NKAIN3: variants seen among roughly 807,000 people sequenced by gnomAD.
The protein encoded by NKAIN3 is sodium/potassium-transporting ATPase subunit beta-1-interacting protein 3.
A neutral mutation model predicts 30.2 loss-of-function variants in NKAIN3; 25 were observed. The ratio of observed to expected loss-of-function variants is 0.83; its 90% CI spans 0.60 to 1.16. The LOEUF (loss-of-function observed/expected upper bound fraction) is 1.16. Among genes scored for constraint, NKAIN3 ranks in the 50% most tolerant of loss-of-function variants. The pLI is 0.00. For missense variants in NKAIN3, 225 were observed against 254.1 expected, an observed-to-expected ratio of 0.89 and a Z score of 0.78; for synonymous variants, 91 against 89.6, an observed-to-expected ratio of 1.02 and a Z score of -0.09.
In NKAIN3 at chr8:62,900,029, T is replaced by TAAA. The variant is rs5891878; in HGVS notation, c.472-18416_472-18414dup. Among the ~76,000 whole-genome samples, 383 of 148,188 alleles carry TAAA rather than the reference T, an allele frequency of 2.6e-3. 1 individual carries two copies. Among genetic ancestry groups the TAAA allele is most frequent in the East Asian group, 5.3e-3 (27 of 5,070 alleles). On this transcript the variant is annotated intron_variant, in intron 4 of 6. Transcript: ENST00000623646. ...CTTATACCCCTAAAGCTACTGAAATTAAAAAAAAAAGAAATAAAGAAAATG... is the reference window on the plus strand; with the variant it reads ...CTTATACCCCTAAAGCTACTGAAATTAAAAAAAAAAAAAGAAATAAAGAAAATG...
intron 4 of NKAIN3, among the ~76,000 whole-genome samples, chr8:62,755,365 T>C (rs942400016): frequency 2.0e-5 from 3 of 152,166 alleles, no homozygotes; most frequent in African/African-American, 7.2e-5. Context: ...GCTCCACTAT[T>C]AGAAAGTAAA....
At chr8:62,421,620 TTCTC>T (rs377118283) in intron 1 of NKAIN3, among the ~76,000 whole-genome samples, 3 of 148,250 alleles carry the variant, frequency 2.0e-5, no homozygotes, top group East Asian at 2.0e-4. Flanking sequence ...CTCTCTCTCT[TTCTC>T]TCTCTCTCTC....
chr8:62,759,234 A>G (rs1035561053), intron 4 of NKAIN3, among the ~76,000 whole-genome samples: 1 of 152,176 alleles, frequency 6.6e-6, no homozygotes, highest in Admixed American at 6.6e-5. Flanking sequence ...ACCTTCATGG[A>G]TGGGTTGTTC....
intron 1 of NKAIN3, among the ~76,000 whole-genome samples, chr8:62,412,663 G>A (rs1185909930): frequency 6.6e-6 from 1 of 151,932 alleles, no homozygotes; most frequent in African/African-American, 2.4e-5. Context: ...GGGAGGCAGA[G>A]GCGGGCGGAA....
chr8:62,253,656 C>G (rs959832729), intron 1 of NKAIN3, among the ~76,000 whole-genome samples: 1 of 152,160 alleles, frequency 6.6e-6, no homozygotes, highest in African/African-American at 2.4e-5. Context: ...ACAGTGGAAA[C>G]GAAGTTTAGT....
At chr8:62,429,338 T>C (rs1293776824) in intron 1 of NKAIN3, among the ~76,000 whole-genome samples, 1 of 151,928 alleles carries the variant, frequency 6.6e-6, no homozygotes, top group Non-Finnish European at 1.5e-5. Context: ...TTTTATCAAA[T>C]GCTCTTTCTA....
chr8:62,386,414 T>G (rs1382542094), intron 1 of NKAIN3, among the ~76,000 whole-genome samples: 3 of 152,196 alleles, frequency 2.0e-5, no homozygotes, highest in African/African-American at 7.2e-5. Context: ...AAGAACAGTG[T>G]TAGGCAAAAA....
chr8:62,329,349 A>G (rs1815257914), intron 1 of NKAIN3, among the ~76,000 whole-genome samples: 1 of 152,126 alleles, frequency 6.6e-6, no homozygotes, highest in South Asian at 2.1e-4. Context: ...CTTAATTTCA[A>G]TTTTTATCAT....
chr8:62,609,510 C>T (rs1811222991), intron 3 of NKAIN3, among the ~76,000 whole-genome samples: 1 of 151,998 alleles, frequency 6.6e-6, no homozygotes, highest in East Asian at 1.9e-4. Flanking sequence ...CTGCTCTTTG[C>T]CAAGTATTCT....
intron 1 of NKAIN3, among the ~76,000 whole-genome samples, chr8:62,530,870 C>T (rs1482866814): frequency 6.6e-6 from 1 of 152,060 alleles, no homozygotes; most frequent in Non-Finnish European, 1.5e-5. Context: ...GTCTTGAACT[C>T]CCGACCTCAG....
At chr8:62,989,689 G>A (rs992081518), downstream of NKAIN3, among the ~76,000 whole-genome samples, 3 of 151,890 alleles carry the variant, frequency 2.0e-5, no homozygotes, top group Admixed American at 6.6e-5. Flanking sequence ...ACTCTGTCTC[G>A]AAAAAACATT....
intron 1 of NKAIN3, among the ~76,000 whole-genome samples, chr8:62,444,731 A>C (rs910666739): frequency 2.6e-5 from 4 of 152,152 alleles, no homozygotes; most frequent in Non-Finnish European, 5.9e-5. Context: ...ACCCAATAAC[A>C]AAATTGCTGA....
chr8:62,416,931 G>A (rs534891384), intron 1 of NKAIN3, among the ~76,000 whole-genome samples: 191 of 151,956 alleles, frequency 1.3e-3, no homozygotes, highest in African/African-American at 4.5e-3. Flanking sequence ...GGCGGAGGCT[G>A]CAGTGAGCTG....
chr8:62,377,458 A>G (rs1033870828), intron 1 of NKAIN3, among the ~76,000 whole-genome samples: 3 of 152,224 alleles, frequency 2.0e-5, no homozygotes, highest in Admixed American at 2.0e-4. Context: ...ATTTTCAAGT[A>G]TATGAATAGC....
At chr8:62,309,424 A>G (rs1240928769) in intron 1 of NKAIN3, among the ~76,000 whole-genome samples, 1 of 150,758 alleles carries the variant, frequency 6.6e-6, no homozygotes, top group Non-Finnish European at 1.5e-5. Flanking sequence ...AAGACTAGAA[A>G]GCAAGGAGCT....
intron 3 of NKAIN3, among the ~76,000 whole-genome samples, chr8:62,689,293 TA>T (rs1379863095): frequency 2.0e-5 from 3 of 152,188 alleles, no homozygotes; most frequent in African/African-American, 7.2e-5. Context: ...TTACTCTGTC[TA>T]GCTGCCCTAG....
intron 3 of NKAIN3, among the ~76,000 whole-genome samples, chr8:62,710,301 C>A (rs921584125): frequency 6.6e-6 from 1 of 152,072 alleles, no homozygotes; most frequent in Admixed American, 6.6e-5. Flanking sequence ...GATGACCTGT[C>A]TAGTGCTGTC....
chr8:62,683,848 G>T (rs1813718877), intron 3 of NKAIN3, among the ~76,000 whole-genome samples: 1 of 152,070 alleles, frequency 6.6e-6, no homozygotes, highest in Non-Finnish European at 1.5e-5. Context: ...GCTCTAGGAG[G>T]CCTCCCTGAA....
intron 1 of NKAIN3, chr8:62,473,160 T>G (rs899421667): frequency 1.3e-5 from 2 of 152,202 alleles, no homozygotes; most frequent in Admixed American, 6.5e-5. Context: ...TGTTGCCACA[T>G]CTTCCTGCTG....
Sources: allele counts gnomAD v4.1 joint callset (sites outside exome capture counted in the v4.1 genomes callset), GRCh38; gene constraint gnomAD v4.1.1; transcripts MANE v1.5; gene names NCBI Gene and HGNC (gene_info 2026-07-23, HGNC 2026-07-21).